CFAP157: variants seen among roughly 807,000 people sequenced by gnomAD.
CFAP157 encodes the protein cilia and flagella associated protein 157, also known as cilia- and flagella-associated protein 157.
Under a neutral mutation model 57.8 loss-of-function variants are expected in CFAP157, and 43 were observed. The observed-to-expected ratio is 0.74, with a 90% CI of 0.58 to 0.96. CFAP157 has a LOEUF of 0.96. CFAP157 is among the 40% of genes least tolerant of loss of function. The pLI, the probability that CFAP157 is intolerant of heterozygous loss-of-function variation, is 0.00. For synonymous variants in CFAP157, 267 were observed against 269.0 expected (o/e 0.99, Z 0.07); for missense variants, 606 against 655.3 (o/e 0.92, Z 0.82).
chr9:127,711,475 G>A lies in CFAP157; in HGVS notation c.834G>A (p.Arg278=). ...AGAACACCCAGAAGGTCATGGCCAG[G>A]CACAAAAGAGGCCACCAGAAGGTGT... ...LLENTQKVMA[R]HKRGHQKIIL... is the part of the protein sequence containing the mutation. Residue 278 remains arginine (R), a synonymous_variant, in exon 4 of 9, where the codon AGG becomes AGA. Transcript: ENST00000373295. 6.2e-7 allele frequency: 1 copy of A among 1,613,632 alleles called. No individual in the cohort carries two copies. Among genetic ancestry groups the A allele is most frequent in the Non-Finnish European group, 8.5e-7 (1 of 1,179,914 alleles).
chr9:127,715,442 G>C lies in CFAP157; in HGVS notation c.*1537G>C, dbSNP rs1213252822. On this transcript the variant is annotated 3_prime_UTR_variant, in exon 9 of 9. Coordinates refer to ENST00000373295, the MANE Select transcript of CFAP157 (RefSeq NM_001012502.3). The surrounding 1 kb of genome is among the most constrained non-coding windows in gnomAD (Gnocchi z 5.8). ...GTCGAGCACTGAACTCACCAGTTAAGAAAACAGAGCAGCAATTTGGGGGCA... is the reference window on the plus strand; with the variant it reads ...GTCGAGCACTGAACTCACCAGTTAACAAAACAGAGCAGCAATTTGGGGGCA... The C allele has an allele frequency of 1.3e-6, 2 of 1,528,844 alleles. No individual in the cohort carries two copies. The highest frequency in any genetic ancestry group is 1.8e-6 in the Non-Finnish European group (2 of 1,118,148). The allele number at this position is 1,528,844 out of a possible 1,614,324, so 94.7% of individuals were successfully genotyped here. A position where few individuals can be genotyped will look rare whatever the true frequency, so the allele number is the denominator to read the frequency against.
In CFAP157 at chr9:127,712,851, A is replaced by G. The variant is rs1284072103; in HGVS notation, c.1280A>G (p.Gln427Arg). Reference protein sequence around the residue: ...QKAACPHQESQSHGPPKESRP... With the variant: ...QKAACPHQESRSHGPPKESRP... ...GCTGCGTGTCCCCACCAGGAGTCACAGTCCCATGGCCCACCCAAGGAGAGG... is the reference window on the plus strand; with the variant it reads ...GCTGCGTGTCCCCACCAGGAGTCACGGTCCCATGGCCCACCCAAGGAGAGG... Residue 427 changes from glutamine (Q) to arginine (R), a missense_variant, in exon 7 of 9, where the codon CAG (glutamine) becomes CGG (arginine). Transcript: ENST00000373295. 2 of 1,612,786 alleles carry G rather than the reference A, an allele frequency of 1.2e-6. No individual in the cohort carries two copies. The highest frequency in any genetic ancestry group is 1.7e-6 in the Non-Finnish European group (2 of 1,179,360).
rs754825954 is a variant in CFAP157, at chr9:127,710,764, C to T, written c.587+10C>T. On this transcript the variant is annotated intron_variant, in intron 3 of 8. Coordinates refer to ENST00000373295, the MANE Select transcript of CFAP157 (RefSeq NM_001012502.3). ...TGCTGGACAAGGACAGGTGGGCAAG[C>T]GGGGCACCCTTTGGGGCCTTTGGAG... 6 of 1,559,378 alleles carry T rather than the reference C, an allele frequency of 3.8e-6. No homozygotes were observed. The highest frequency in any genetic ancestry group is 3.5e-5 in the South Asian group (3 of 84,596).
rs1281518984 is a variant in CFAP157 at position 127,715,365 on chromosome 9, G to C, written c.*1460G>C. Reference sequence around the variant, plus strand: ...GACCCCTGAGAACTCCAGAAGGCTGGGCAGGCAGGGCGCCCTAGTGCAGGA... The same window carrying C: ...GACCCCTGAGAACTCCAGAAGGCTGCGCAGGCAGGGCGCCCTAGTGCAGGA... On this transcript the variant is annotated 3_prime_UTR_variant, in exon 9 of 9. Transcript: ENST00000373295. The surrounding 1 kb of genome is among the most constrained non-coding windows in gnomAD (Gnocchi z 5.8). 1 of 1,228,734 alleles carries C rather than the reference G, an allele frequency of 8.1e-7. No homozygotes were observed. Among genetic ancestry groups the C allele is most frequent in the South Asian group, 1.3e-5 (1 of 77,962 alleles). The allele number at this position is 1,228,734 out of a possible 1,614,324, so 76.1% of individuals were successfully genotyped here. A position where few individuals can be genotyped will look rare whatever the true frequency, so the allele number is the denominator to read the frequency against.
At position 127,714,408 on chromosome 9, in the gene CFAP157, G is replaced by C. The variant is rs778048757; in HGVS notation, c.*503G>C. 2 of 1,614,210 alleles carry C rather than the reference G, an allele frequency of 1.2e-6. No homozygotes were observed. Reference sequence around the variant, plus strand: ...GAGTTGAGGCAGCTAATGCAGGAACGGACTCCATTGTGGCCCCTTCAAGGG... The same window carrying C: ...GAGTTGAGGCAGCTAATGCAGGAACCGACTCCATTGTGGCCCCTTCAAGGG... On this transcript the variant is annotated 3_prime_UTR_variant, in exon 9 of 9. Coordinates refer to ENST00000373295, the MANE Select transcript of CFAP157 (RefSeq NM_001012502.3).
Position 127,714,377 on chromosome 9 carries a change from A to G in CFAP157, c.*472A>G. On this transcript the variant is annotated 3_prime_UTR_variant, in exon 9 of 9. Coordinates refer to ENST00000373295, the MANE Select transcript of CFAP157 (RefSeq NM_001012502.3). ...AGTTGCACAACAAAAGGGTAGACTC[A>G]CATTGGAGTTGAGGCAGCTAATGCA... The G allele has an allele frequency of 6.2e-7, 1 of 1,614,196 alleles. No homozygotes were observed. Among genetic ancestry groups the G allele is most frequent in the South Asian group, 1.1e-5 (1 of 91,090 alleles).
Position 127,714,598 on chromosome 9 carries a change from C to A in CFAP157, c.*693C>A. On this transcript the variant is annotated 3_prime_UTR_variant, in exon 9 of 9. Transcript: ENST00000373295. The stretch of plus-strand genomic sequence containing the variant: ...ATCCCAACCCTGACCATCTCAGGAC[C>A]TCACCTGGCACTGCCCCCCAGCTTC... 6.2e-7 allele frequency: 1 copy of A among 1,613,374 alleles called. No homozygotes were observed. Among genetic ancestry groups the A allele is most frequent in the East Asian group, 2.2e-5 (1 of 44,860 alleles).
In CFAP157 at chr9:127,710,713, T is replaced by A; in HGVS notation, c.546T>A (p.Tyr182Ter). The change falls in exon 3 of 9, where the codon TAT becomes TAA. Residue 182 changes from tyrosine (Y) to a stop codon, truncating the protein, a stop_gained. Coordinates refer to ENST00000373295, the MANE Select transcript of CFAP157 (RefSeq NM_001012502.3). LOFTEE classifies it high-confidence loss of function. ...AGCAGGAGAATGAGTTCAGGGACTA[T>A]GCATACAACCTGGAGAAGAAGTCGG... ...VRKQENEFRD[Y>*]AYNLEKKSVL... is the part of the protein sequence containing the mutation. The A allele has an allele frequency of 6.4e-7, 1 of 1,572,958 alleles. No homozygotes were observed. Among genetic ancestry groups the A allele is most frequent in the Non-Finnish European group, 8.6e-7 (1 of 1,158,270 alleles).
Position 127,715,110 on chromosome 9 carries a change from C to G in CFAP157, c.*1205C>G. On this transcript the variant is annotated 3_prime_UTR_variant, in exon 9 of 9. Transcript: ENST00000373295. The surrounding 1 kb of genome is among the most constrained non-coding windows in gnomAD (Gnocchi z 5.8). Reference sequence around the variant, plus strand: ...TCGCGCGTCCAACTCTCCGCCACACCCAGCCGCCGCGCCAGCTGCCCCAGC... The same window carrying G: ...TCGCGCGTCCAACTCTCCGCCACACGCAGCCGCCGCGCCAGCTGCCCCAGC... The G allele has an allele frequency of 1.3e-6, 2 of 1,534,166 alleles. No individual in the cohort carries two copies. The highest frequency in any genetic ancestry group is 1.7e-6 in the Non-Finnish European group (2 of 1,145,996).
chr9:127,709,578 G>A lies in CFAP157; in HGVS notation c.318G>A (p.Gln106=). The A allele has an allele frequency of 6.2e-7, 1 of 1,614,108 alleles. No homozygotes were observed. The highest frequency in any genetic ancestry group is 8.5e-7 in the Non-Finnish European group (1 of 1,180,038). ...TCACAGACCTCAACGAGCAGCTCCA[G>A]AACTTGCAGCTAGCCAAAGAGATGG... ...DEITDLNEQL[Q]NLQLAKEMEK... is the part of the protein sequence containing the mutation. The change falls in exon 2 of 9, where the codon CAG becomes CAA. Residue 106 remains glutamine, a synonymous_variant. Transcript: ENST00000373295. The surrounding 1 kb of genome is among the most constrained non-coding windows in gnomAD (Gnocchi z 4.7).
intron 3 of CFAP157, 117 bp downstream of exon 3, chr9:127,710,871 G>A (rs954292706): frequency 1.0e-5 from 12 of 1,187,348 alleles, no homozygotes; most frequent in Admixed American, 2.4e-5. Context: ...ACTGACCGCC[G>A]CCCCGACAAC....
chr9:127,712,301 G>A lies in CFAP157; in HGVS notation c.1089G>A (p.Leu363=), dbSNP rs376195684. The part of the protein sequence containing the change: ...LANEQKVRAS[L]EAALVQATSF... ...ATGAGCAGAAGGTTCGGGCCAGCCT[G>A]GAGGCGGCTCTGGTCCAGGCCACCT... The change falls in exon 6 of 9, where the codon CTG becomes CTA. Residue 363 remains leucine (L), a synonymous_variant. Transcript: ENST00000373295. The A allele has an allele frequency of 2.5e-6, 4 of 1,613,972 alleles. No individual in the cohort carries two copies. The highest frequency in any genetic ancestry group is 1.3e-5 in the African/African-American group (1 of 74,942).
Position 127,707,168 on chromosome 9 carries a change from G to A in CFAP157, c.137G>A (p.Arg46Gln), listed in dbSNP as rs1329143180. 13 of 1,613,016 alleles carry A rather than the reference G, an allele frequency of 8.1e-6. No individual in the cohort carries two copies. The highest frequency in any genetic ancestry group is 3.3e-5 in the Admixed American group (2 of 59,998). ...AAGGAGTTCTACCACATCCAGATCCGAGACCTGGAGGACCGGCTAGCCCGG... is the reference window on the plus strand; with the variant it reads ...AAGGAGTTCTACCACATCCAGATCCAAGACCTGGAGGACCGGCTAGCCCGG... ...EMKEFYHIQI[R>Q]DLEDRLARYQ... Residue 46 changes from arginine to glutamine, a missense_variant, in exon 1 of 9, where the codon CGA becomes CAA. Arg to Gln is a conservative substitution (Grantham distance 43, BLOSUM62 1). Coordinates refer to ENST00000373295, the MANE Select transcript of CFAP157 (RefSeq NM_001012502.3).
chr9:127,714,331 G>T lies in CFAP157; in HGVS notation c.*426G>T, dbSNP rs1318680442. 1.9e-6 allele frequency: 3 copies of T among 1,614,088 alleles called. No homozygotes were observed. The highest frequency in any genetic ancestry group is 1.3e-5 in the African/African-American group (1 of 75,066). On this transcript the variant is annotated 3_prime_UTR_variant, in exon 9 of 9. Transcript: ENST00000373295. The stretch of plus-strand genomic sequence containing the variant: ...AGGAAGCTTTGGCGAGGTGCTGGGG[G>T]ACCCCTGGCCCACCCGACCCAGTTG...
At chr9:127,707,570 A>G (rs1187917838) in intron 1 of CFAP157, among the ~76,000 whole-genome samples, 1 of 152,144 alleles carries the variant, frequency 6.6e-6, no homozygotes, top group Admixed American at 6.5e-5. Flanking sequence ...ACTTCCTGGC[A>G]GTGGCACCTG....
At position 127,713,017 on chromosome 9, in the gene CFAP157, C is replaced by A; in HGVS notation, c.1305-3C>A. 6.2e-7 allele frequency: 1 copy of A among 1,612,476 alleles called. No homozygotes were observed. Among genetic ancestry groups the A allele is most frequent in the East Asian group, 2.2e-5 (1 of 44,772 alleles). ...TCTGTGACCCTCGGCCCCCTCCCCACAGCCGGCCCAGCATCCAGCTGCCCA... is the reference window on the plus strand; with the variant it reads ...TCTGTGACCCTCGGCCCCCTCCCCAAAGCCGGCCCAGCATCCAGCTGCCCA... On this transcript the variant is annotated splice_polypyrimidine_tract_variant and splice_region_variant and intron_variant, in intron 7 of 8. Transcript: ENST00000373295.
rs1232258212 is a variant in CFAP157, at chr9:127,711,440, G to C, written c.799G>C (p.Glu267Gln). ...ACAGAACAATCTGTGCAAACAGCTG[G>C]AGCTGCTGGAGAACACCCAGAAGGT... The part of the protein sequence containing the change: ...GRQNNLCKQL[E>Q]LLENTQKVMA... The change falls in exon 4 of 9, where the codon GAG becomes CAG. Residue 267 changes from glutamate to glutamine, a missense_variant. Physicochemically the swap from Glu to Gln is conservative, Grantham distance 29. Coordinates refer to ENST00000373295, the MANE Select transcript of CFAP157 (RefSeq NM_001012502.3). 6.2e-7 allele frequency: 1 copy of C among 1,614,092 alleles called. No homozygotes were observed. The highest frequency in any genetic ancestry group is 8.5e-7 in the Non-Finnish European group (1 of 1,180,044).
chr9:127,715,623 A>C lies in CFAP157; in HGVS notation c.*1718A>C. The C allele has an allele frequency of 6.2e-7, 1 of 1,612,502 alleles. No homozygotes were observed. The highest frequency in any genetic ancestry group is 8.5e-7 in the Non-Finnish European group (1 of 1,179,896). ...ACTCAGCCGCTGTCCGGCGCCCAAA[A>C]AGCCGCCCGGCCTCATGCTGCCCCC... On this transcript the variant is annotated 3_prime_UTR_variant, in exon 9 of 9. Transcript: ENST00000373295. The surrounding 1 kb of genome is among the most constrained non-coding windows in gnomAD (Gnocchi z 5.8).
rs915459257 is a variant in CFAP157, at chr9:127,712,528, G to A, written c.1137+179G>A. ...AAGATCCCTCCAAGGTCTTAAAGGA[G>A]CTGGATTCCTTCTCTGAGGCTCTGA... On this transcript the variant is annotated intron_variant, in intron 6 of 8. Coordinates refer to ENST00000373295, the MANE Select transcript of CFAP157 (RefSeq NM_001012502.3). 5.3e-6 allele frequency: 8 copies of A among 1,497,944 alleles called. No homozygotes were observed. In the African/African-American group the frequency reaches 8.4e-5, roughly 16 times the overall value. 92.8% of individuals were successfully genotyped at this position (1,497,944 alleles called of 1,614,324 possible).
Sources: allele counts gnomAD v4.1 joint callset (sites outside exome capture counted in the v4.1 genomes callset), GRCh38; gene constraint gnomAD v4.1.1; non-coding constraint Gnocchi (gnomAD v3.1); transcripts MANE v1.5; gene names NCBI Gene and HGNC (gene_info 2026-07-23, HGNC 2026-07-21).